The following RIMS4 variants were observed in gnomAD, a reference collection of about 807,000 sequenced individuals.
The protein encoded by RIMS4 is regulating synaptic membrane exocytosis protein 4.
Under a neutral mutation model 29.0 loss-of-function variants are expected in RIMS4, and 9 were observed. The observed-to-expected ratio is 0.31, with a 90% confidence interval of 0.19 to 0.54. The LOEUF is 0.54. Ranked by LOEUF, RIMS4 falls within the 20% of genes least tolerant of loss-of-function variation. RIMS4 has a pLI of 0.94. For synonymous variants in RIMS4, 130 were observed against 152.9 expected (o/e 0.85, Z 1.10); for missense variants, 193 against 365.7 (o/e 0.53, Z 3.85).
intron 1 of RIMS4, among the ~76,000 whole-genome samples, chr20:44,773,576 C>T (rs894601633): frequency 6.6e-6 from 1 of 152,184 alleles, no homozygotes; most frequent in Non-Finnish European, 1.5e-5. Context: ...GGCTCCCTCC[C>T]TCTCTGCTGA....
intron 1 of RIMS4, among the ~76,000 whole-genome samples, chr20:44,777,003 C>T (rs1009863611): frequency 6.6e-6 from 1 of 152,160 alleles, no homozygotes; most frequent in Non-Finnish European, 1.5e-5. Context: ...AAGCTCCATC[C>T]CAGAACTCAA....
chr20:44,806,713 C>G (rs1297592638), intron 1 of RIMS4, among the ~76,000 whole-genome samples: 1 of 152,178 alleles, frequency 6.6e-6, no homozygotes, highest in Non-Finnish European at 1.5e-5. Flanking sequence ...GACTTCTGCA[C>G]AGCACAAACA....
intron 2 of RIMS4, among the ~76,000 whole-genome samples, chr20:44,761,982 T>C (rs1165261730): frequency 6.6e-6 from 1 of 152,138 alleles, no homozygotes; most frequent in African/African-American, 2.4e-5. Flanking sequence ...TCCCTAACCT[T>C]TTTAGCACCA....
chr20:44,807,723 T>C (rs2145483412), intron 1 of RIMS4, among the ~76,000 whole-genome samples: 1 of 152,274 alleles, frequency 6.6e-6, no homozygotes, highest in Non-Finnish European at 1.5e-5. Context: ...ATTAATGACT[T>C]TAAGGAGAAC....
intron 1 of RIMS4, among the ~76,000 whole-genome samples, chr20:44,772,344 C>T (rs913424625): frequency 6.6e-6 from 1 of 152,232 alleles, no homozygotes; most frequent in Non-Finnish European, 1.5e-5. Flanking sequence ...TTTTGGCCAG[C>T]TTCCTCTGCG....
At chr20:44,798,159 C>T (rs1348155052) in intron 1 of RIMS4, among the ~76,000 whole-genome samples, 2 of 152,218 alleles carry the variant, frequency 1.3e-5, no homozygotes, top group African/African-American at 2.4e-5. Flanking sequence ...GACTTCATGT[C>T]TGCAAGGTGC....
chr20:44,773,315 C>T (rs532964289), intron 1 of RIMS4, among the ~76,000 whole-genome samples: 2 of 152,244 alleles, frequency 1.3e-5, no homozygotes, highest in South Asian at 4.2e-4. Flanking sequence ...CAGCCTCCCC[C>T]GACCCTCTAT....
intron 1 of RIMS4, among the ~76,000 whole-genome samples, chr20:44,780,924 G>T (rs904367701): frequency 2.0e-5 from 3 of 152,190 alleles, no homozygotes; most frequent in Non-Finnish European, 4.4e-5. Context: ...GAAAGATTTT[G>T]TGAGAATCAA....
intron 2 of RIMS4, among the ~76,000 whole-genome samples, chr20:44,763,293 A>T (rs1453443796): frequency 6.6e-6 from 1 of 152,230 alleles, no homozygotes; most frequent in Non-Finnish European, 1.5e-5. Context: ...GGGAATAAAT[A>T]GTAATTACCT....
chr20:44,800,802 G>A (rs1453076012), intron 1 of RIMS4, among the ~76,000 whole-genome samples: 1 of 152,240 alleles, frequency 6.6e-6, no homozygotes, highest in African/African-American at 2.4e-5. Context: ...GAGACTCGGC[G>A]ATGAACAAAG....
chr20:44,782,818 GGCAAGGAA>G (rs1828365482), intron 1 of RIMS4, among the ~76,000 whole-genome samples: 1 of 152,212 alleles, frequency 6.6e-6, no homozygotes, highest in Admixed American at 6.5e-5. Flanking sequence ...ATGTAGGGGA[GGCAAGGAA>G]GCTCCCTCCT....
At chr20:44,764,167 C>CATTT (rs2066101222) in intron 2 of RIMS4, among the ~76,000 whole-genome samples, 3 of 143,584 alleles carry the variant, frequency 2.1e-5, no homozygotes, top group Admixed American at 7.1e-5. Flanking sequence ...TCCATCCATC[C>CATTT]ATCCATCCAT....
intron 1 of RIMS4, 91 bp from the exon 2 acceptor site, chr20:44,771,504 C>T: frequency 7.1e-7 from 1 of 1,418,044 alleles, no homozygotes; most frequent in Non-Finnish European, 9.6e-7. Context: ...AGTGTTTCAG[C>T]AGCTGGGGGC....
chr20:44,806,714 A>G (rs1259463073), intron 1 of RIMS4, among the ~76,000 whole-genome samples: 2 of 152,216 alleles, frequency 1.3e-5, no homozygotes, highest in Non-Finnish European at 2.9e-5. Flanking sequence ...ACTTCTGCAC[A>G]GCACAAACAG....
intron 1 of RIMS4, among the ~76,000 whole-genome samples, chr20:44,798,268 A>G (rs980608837): frequency 6.6e-6 from 1 of 152,244 alleles, no homozygotes; most frequent in African/African-American, 2.4e-5. Context: ...AAAACATTAA[A>G]TACAGTACAG....
At chr20:44,794,581 A>G (rs935782221) in intron 1 of RIMS4, among the ~76,000 whole-genome samples, 2 of 152,218 alleles carry the variant, frequency 1.3e-5, no homozygotes, top group Non-Finnish European at 2.9e-5. Context: ...TCACTGCTGG[A>G]AAGTATTAGA....
intron 1 of RIMS4, among the ~76,000 whole-genome samples, chr20:44,787,755 T>G (rs2066215487): frequency 6.6e-6 from 1 of 150,476 alleles, no homozygotes; most frequent in African/African-American, 2.4e-5. Context: ...TTTCAAGAGG[T>G]TCAAGGTTAT....
intron 1 of RIMS4, among the ~76,000 whole-genome samples, chr20:44,777,845 T>C (rs959405867): frequency 5.3e-5 from 8 of 152,152 alleles, no homozygotes; most frequent in Admixed American, 2.0e-4. Flanking sequence ...TCCAAGTCCA[T>C]AGAGAAGCCT....
At chr20:44,761,535 G>C (rs60032405) in intron 2 of RIMS4, among the ~76,000 whole-genome samples, 1 of 152,158 alleles carries the variant, frequency 6.6e-6, no homozygotes, top group Non-Finnish European at 1.5e-5. Context: ...GTCTGCAGGG[G>C]GGATAATGCA....
Sources: allele counts gnomAD v4.1 joint callset (sites outside exome capture counted in the v4.1 genomes callset), GRCh38; gene constraint gnomAD v4.1.1; transcripts MANE v1.5; gene names NCBI Gene and HGNC (gene_info 2026-07-23, HGNC 2026-07-21).